Variants in MTHFD2L observed in about 807,000 individuals in gnomAD.
The protein encoded by MTHFD2L is bifunctional methylenetetrahydrofolate dehydrogenase/cyclohydrolase 2, mitochondrial.
A neutral mutation model predicts 34.9 loss-of-function variants in MTHFD2L; 29 were observed. The observed-to-expected ratio is 0.83, with a 90% CI of 0.62 to 1.13. The LOEUF (loss-of-function observed/expected upper bound fraction) is 1.13. MTHFD2L is among the 50% of genes most tolerant of loss of function. The pLI is 0.00. For missense variants in MTHFD2L, 481 were observed against 446.5 expected (o/e 1.08, Z -0.70); for synonymous variants, 167 against 155.7 (o/e 1.07, Z -0.54).
At position 74,199,927 on chromosome 4, in the gene MTHFD2L, G is replaced by A. The variant is rs761310189; in HGVS notation, c.585G>A (p.Trp195Ter). Residue 195 changes from tryptophan (W) to a stop codon, truncating the protein, a stop_gained, in exon 4 of 8, where the codon TGG (tryptophan) becomes TGA (stop). Transcript: ENST00000325278. LOFTEE classifies it high-confidence loss of function. ...SLIPATASAVWEIIKRTGIQT... is the reference protein window; with the variant it reads ...SLIPATASAV Reference sequence around the variant, plus strand: ...TACCTGCCACTGCCAGTGCTGTTTGGGAAATAATAAAAAGAACAGGTTGGT... The same window carrying A: ...TACCTGCCACTGCCAGTGCTGTTTGAGAAATAATAAAAAGAACAGGTTGGT... 8 of 1,613,746 alleles carry A rather than the reference G, an allele frequency of 5.0e-6. No homozygotes were observed. The African/African-American group carries it at 9.4e-5, about 19-fold the overall frequency.
intron 1 of MTHFD2L, among the ~76,000 whole-genome samples, chr4:74,159,380 C>A (rs1724915099): frequency 6.6e-6 from 1 of 152,198 alleles, no homozygotes; most frequent in African/African-American, 2.4e-5. Flanking sequence ...CTAGGAAAAG[C>A]AGATTCTGTA....
intron 5 of MTHFD2L, among the ~76,000 whole-genome samples, chr4:74,202,698 G>A (rs184142657): frequency 1.6e-4 from 25 of 152,264 alleles, no homozygotes; most frequent in Non-Finnish European, 2.6e-4. Context: ...TGTTAGAGAC[G>A]TGTTGTACTT....
At position 74,170,990 on chromosome 4, in the gene MTHFD2L, A is replaced by AG. The variant is rs1333069198; in HGVS notation, c.144-3510dup. Among the ~76,000 whole-genome samples, 5 of 46,884 alleles carry AG rather than the reference A, an allele frequency of 1.1e-4. No homozygotes were observed. In the East Asian group the frequency reaches 2.2e-3, roughly 21 times the overall value. 30.8% of individuals were successfully genotyped at this position (46,884 alleles called of 152,430 possible). The stretch of plus-strand genomic sequence containing the variant: ...TCGGGGACTGTTGTGGGGTGGGGGG[A>AG]GGGGGGAGGGATAGCATTAGGAGAT... On this transcript the variant is annotated intron_variant, in intron 1 of 7. Coordinates refer to ENST00000325278, the MANE Select transcript of MTHFD2L (RefSeq NM_001144978.3).
upstream of MTHFD2L, among the ~76,000 whole-genome samples, chr4:74,153,771 T>C (rs995753129): frequency 6.6e-6 from 1 of 152,208 alleles, no homozygotes. Flanking sequence ...GACTTTATTT[T>C]ATAGAACAGT....
chr4:74,200,158 A>G (rs1734179107), intron 4 of MTHFD2L, among the ~76,000 whole-genome samples: 1 of 152,058 alleles, frequency 6.6e-6, no homozygotes, highest in Non-Finnish European at 1.5e-5. Context: ...TAAAAATACA[A>G]AAAATTAGCC....
At chr4:74,260,610 C>A (rs1041562195) in intron 6 of MTHFD2L, among the ~76,000 whole-genome samples, 2 of 151,832 alleles carry the variant, frequency 1.3e-5, no homozygotes, top group Non-Finnish European at 2.9e-5. Flanking sequence ...ATTGAGTCTT[C>A]AAACAATAAA....
intron 7 of MTHFD2L, among the ~76,000 whole-genome samples, chr4:74,295,610 C>A (rs1225059383): frequency 1.3e-5 from 2 of 152,108 alleles, no homozygotes; most frequent in Non-Finnish European, 2.9e-5. Context: ...AATGTTTTCC[C>A]AAATGTTAAA....
intron 6 of MTHFD2L, among the ~76,000 whole-genome samples, chr4:74,269,471 A>G (rs1325778515): frequency 6.6e-6 from 1 of 152,072 alleles, no homozygotes; most frequent in African/African-American, 2.4e-5. Flanking sequence ...GCTAAATATC[A>G]TAATGGGAGT....
intron 7 of MTHFD2L, among the ~76,000 whole-genome samples, chr4:74,286,416 T>G (rs1360058384): frequency 6.6e-6 from 1 of 152,216 alleles, no homozygotes; most frequent in African/African-American, 2.4e-5. Context: ...TATTGTAGCT[T>G]AGAAAGAAAC....
intron 3 of MTHFD2L, among the ~76,000 whole-genome samples, chr4:74,196,628 A>C (rs1435662658): frequency 6.6e-6 from 1 of 152,144 alleles, no homozygotes; most frequent in Non-Finnish European, 1.5e-5. Flanking sequence ...AAAGACAATT[A>C]AGCATATTAT....
upstream of MTHFD2L, chr4:74,158,084 A>C: frequency 6.5e-7 from 1 of 1,532,318 alleles, no homozygotes; most frequent in Admixed American, 2.0e-5. Context: ...TCCAGCCGCG[A>C]GGACTGGAGT....
rs1219997235 is a variant in MTHFD2L at position 74,301,929 on chromosome 4, T to TA, written c.*120_*121insA. On this transcript the variant is annotated 3_prime_UTR_variant, in exon 8 of 8. Transcript: ENST00000325278. ...TACATGGTATTTATTTTTTCATGGG[T>TA]GAAATCATTGTGAATCAATTGATTC... The TA allele has an allele frequency of 8.2e-6, 4 of 487,930 alleles. No homozygotes were observed. Among genetic ancestry groups the TA allele is most frequent in the Non-Finnish European group, 1.4e-5 (4 of 278,854 alleles). The allele number at this position is 487,930 out of a possible 1,614,324, so 30.2% of individuals were successfully genotyped here. A position where few individuals can be genotyped will look rare whatever the true frequency, so the allele number is the denominator to read the frequency against.
chr4:74,158,088 C>CTGGAGTCGCGGGAGG (rs1724510667), upstream of MTHFD2L: 1 of 1,532,204 alleles, frequency 6.5e-7, no homozygotes, highest in African/African-American at 1.4e-5. Flanking sequence ...GCCGCGAGGA[C>CTGGAGTCGCGGGAGG]TGGAGTCGCG....
chr4:74,129,119 A>G, intron 1 of MTHFD2L, among the ~76,000 whole-genome samples: 1 of 152,050 alleles, frequency 6.6e-6, no homozygotes, highest in Non-Finnish European at 1.5e-5. Flanking sequence ...TTTTAAATAT[A>G]ACAAGTTATT....
At chr4:74,217,571 C>T (rs889489974) in intron 5 of MTHFD2L, among the ~76,000 whole-genome samples, 4 of 151,664 alleles carry the variant, frequency 2.6e-5, no homozygotes, top group African/African-American at 2.4e-5. Flanking sequence ...TCAGATTTTC[C>T]GTATCCCGAG....
intron 6 of MTHFD2L, among the ~76,000 whole-genome samples, chr4:74,239,684 C>T (rs925806109): frequency 2.6e-5 from 4 of 152,100 alleles, no homozygotes; most frequent in Non-Finnish European, 5.9e-5. Context: ...CATAGTTTTT[C>T]TCTGAGTGTG....
intron 1 of MTHFD2L, among the ~76,000 whole-genome samples, chr4:74,128,546 T>G (rs771355594): frequency 6.6e-6 from 1 of 152,130 alleles, no homozygotes; most frequent in Non-Finnish European, 1.5e-5. Flanking sequence ...TATTGATATC[T>G]GGGTTCTCTA....
intron 3 of MTHFD2L, among the ~76,000 whole-genome samples, chr4:74,180,001 T>C (rs1375690990): frequency 6.6e-6 from 1 of 152,134 alleles, no homozygotes; most frequent in African/African-American, 2.4e-5. Flanking sequence ...TCTTTCCAGA[T>C]CATTCAGCTT....
rs1019203515 is a variant in MTHFD2L at position 74,295,673 on chromosome 4, A to C, written c.932-6024A>C. ...ATATACAAAATACTTGATATTTTCTATGAGCCTCTACATAACCAGACACTG... is the reference window on the plus strand; with the variant it reads ...ATATACAAAATACTTGATATTTTCTCTGAGCCTCTACATAACCAGACACTG... On this transcript the variant is annotated intron_variant, in intron 7 of 7. Transcript: ENST00000325278. Among the ~76,000 whole-genome samples the C allele has an allele frequency of 3.9e-4, 60 of 152,290 alleles. 1 individual carries two copies. Among genetic ancestry groups the C allele is most frequent in the African/African-American group, 1.4e-3 (57 of 41,578 alleles).
Sources: gnomAD v4.1 joint callset for allele counts (sites outside exome capture counted in the v4.1 genomes callset) on GRCh38, gnomAD v4.1.1 for gene constraint, MANE v1.5 for transcripts, NCBI Gene and HGNC (gene_info 2026-07-23, HGNC 2026-07-21) for gene names.